ANK2: variants seen among roughly 807,000 people sequenced by gnomAD.
ANK2 encodes ankyrin-2.
ANK2 carries 83 observed loss-of-function variants against 360.5 expected under a neutral mutation model. That is an observed-to-expected ratio of 0.23 (90% CI 0.19 to 0.28). ANK2 has a LOEUF of 0.28. Ranked by LOEUF, ANK2 falls within the 10% of genes least tolerant of loss-of-function variation. The probability of loss-of-function intolerance (pLI) is 1.00; values close to 1 mark genes in which losing one functional copy is unlikely to be tolerated. For synonymous variants in ANK2, 1,740 were observed against 1,759.5 expected, an observed-to-expected ratio of 0.99 and a Z score of 0.28; for missense variants, 4,201 against 4,795.7, an observed-to-expected ratio of 0.88 and a Z score of 3.66.
intron 2 of ANK2, among the ~76,000 whole-genome samples, chr4:113,014,604 C>T (rs567739047): frequency 2.6e-5 from 4 of 152,132 alleles, no homozygotes; most frequent in Non-Finnish European, 5.9e-5. Flanking sequence ...TATTCACGGC[C>T]TATGATTTCA....
chr4:113,162,731 GTT>G (rs11348131), intron 1 of ANK2, among the ~76,000 whole-genome samples: 3,916 of 133,064 alleles, frequency 0.029, 141 homozygotes, highest in African/African-American at 0.093. Context: ...GTAGCTAAAG[GTT>G]TTTTTTTTTT....
intron 1 of ANK2, among the ~76,000 whole-genome samples, chr4:113,140,231 A>G (rs1264795866): frequency 6.6e-6 from 1 of 152,190 alleles, no homozygotes; most frequent in Non-Finnish European, 1.5e-5. Context: ...TTGTCCTTGG[A>G]TTCATGTGAC....
At chr4:113,162,999 A>G (rs1280144514) in intron 1 of ANK2, among the ~76,000 whole-genome samples, 1 of 152,118 alleles carries the variant, frequency 6.6e-6, no homozygotes, top group East Asian at 1.9e-4. Context: ...ATTTTTTTCC[A>G]GTAGGTTTAC....
the ANK2 span, among the ~76,000 whole-genome samples, chr4:112,764,194 C>T: frequency 5.9e-5 from 9 of 152,020 alleles, no homozygotes; most frequent in East Asian, 5.8e-4. Context: ...CCGCCTGCAT[C>T]GGCCTCCTAA....
At chr4:112,825,420 A>G (rs1195864844) in intron 1 of ANK2, among the ~76,000 whole-genome samples, 1 of 152,206 alleles carries the variant, frequency 6.6e-6, no homozygotes, top group Non-Finnish European at 1.5e-5. Flanking sequence ...AAGACCCAGT[A>G]TTATCAGATT....
At chr4:113,350,160 G>A (rs1356198684) in intron 36 of ANK2, 68 bp from the exon 37 acceptor site, 1 of 1,437,156 alleles carries the variant, frequency 7.0e-7, no homozygotes, top group East Asian at 2.3e-5. Flanking sequence ...GGAGCTTTTT[G>A]TGCACACCAG....
intron 2 of ANK2, among the ~76,000 whole-genome samples, chr4:113,037,900 A>G (rs908482289): frequency 7.2e-5 from 11 of 152,066 alleles, no homozygotes; most frequent in Admixed American, 5.2e-4. Flanking sequence ...TCTAGACTGC[A>G]GTAGCAGGTT....
intron 2 of ANK2, among the ~76,000 whole-genome samples, chr4:112,989,162 G>T (rs559487261): frequency 6.2e-4 from 95 of 152,196 alleles, no homozygotes; most frequent in African/African-American, 2.2e-3. Context: ...TATTTTAAAC[G>T]AGAAAACTGA....
In ANK2 at chr4:113,367,821, A is replaced by G. The variant is rs748648366; in HGVS notation, c.11288A>G (p.Glu3763Gly). 2 of 1,614,158 alleles carry G rather than the reference A, an allele frequency of 1.2e-6. No individual in the cohort carries two copies. Among genetic ancestry groups the G allele is most frequent in the East Asian group, 2.2e-5 (1 of 44,878 alleles). ...GGGAAAATGCAAGACCTGCCTGAAG[A>G]GTCATCTCTGGAATATCAGCAGGAA... ...FSGKMQDLPEESSLEYQQEYF... is the reference protein window; with the variant it reads ...FSGKMQDLPEGSSLEYQQEYF... Residue 3763 changes from glutamate to glycine, a missense_variant, in exon 42 of 46, where the codon GAG (glutamate) becomes GGG (glycine). Coordinates refer to ENST00000357077, the MANE Select transcript of ANK2 (RefSeq NM_001148.6).
At chr4:112,856,501 G>A (rs1184247419) in intron 1 of ANK2, among the ~76,000 whole-genome samples, 1 of 152,190 alleles carries the variant, frequency 6.6e-6, no homozygotes, top group Non-Finnish European at 1.5e-5. Flanking sequence ...ACTGAGGTGG[G>A]CAGAACACTT....
chr4:113,233,163 C>T (rs1412843952), intron 5 of ANK2, among the ~76,000 whole-genome samples: 1 of 99,104 alleles, frequency 1.0e-5, no homozygotes, highest in African/African-American at 3.9e-5. Context: ...GAGACGGAGT[C>T]TCGCTCTGTC....
At chr4:112,912,546 A>G (rs936463715) in intron 2 of ANK2, among the ~76,000 whole-genome samples, 1 of 151,992 alleles carries the variant, frequency 6.6e-6, no homozygotes, top group Non-Finnish European at 1.5e-5. Context: ...TAAGTGGGGA[A>G]TCCCAAAGTA....
the ANK2 span, among the ~76,000 whole-genome samples, chr4:112,807,538 A>C: frequency 6.6e-6 from 1 of 152,164 alleles, no homozygotes; most frequent in African/African-American, 2.4e-5. Context: ...AAGGGGGTAA[A>C]ATTTGGATTT....
chr4:112,807,916 A>G, the ANK2 span, among the ~76,000 whole-genome samples: 2 of 152,266 alleles, frequency 1.3e-5, no homozygotes, highest in Non-Finnish European at 2.9e-5. Context: ...ATTGGGATTT[A>G]TAATTGGGCT....
At chr4:113,235,953 TG>T (rs2099372508) in intron 5 of ANK2, among the ~76,000 whole-genome samples, 1 of 151,056 alleles carries the variant, frequency 6.6e-6, no homozygotes, top group African/African-American at 2.4e-5. Flanking sequence ...TTAGCCAGGA[TG>T]GTCTTGATCT....
intron 1 of ANK2, among the ~76,000 whole-genome samples, chr4:113,060,024 A>C (rs556884798): frequency 1.8e-4 from 28 of 152,232 alleles, no homozygotes; most frequent in African/African-American, 6.0e-4. Context: ...TACGTTACCA[A>C]AATTAACACA....
At chr4:113,278,422 A>C in intron 16 of ANK2, 38 bp from the exon 17 acceptor site, 1 of 1,589,914 alleles carries the variant, frequency 6.3e-7, no homozygotes, top group South Asian at 1.1e-5. Flanking sequence ...AGCTAACCCT[A>C]ATTTATTAAT....
At chr4:112,954,647 CTT>C (rs2095246670) in intron 2 of ANK2, among the ~76,000 whole-genome samples, 1 of 152,158 alleles carries the variant, frequency 6.6e-6, no homozygotes, top group Admixed American at 6.5e-5. Flanking sequence ...TTAACCAACA[CTT>C]ATTTCTAAAT....
At position 113,355,879 on chromosome 4, in the gene ANK2, C is replaced by G. The variant is rs755966886; in HGVS notation, c.7261C>G (p.Leu2421Val). 1.2e-6 allele frequency: 2 copies of G among 1,614,076 alleles called. No individual in the cohort carries two copies. Among genetic ancestry groups the G allele is most frequent in the Non-Finnish European group, 1.7e-6 (2 of 1,179,956 alleles). Reference protein sequence around the residue: ...LALPSRDSEVLSAVADDSLAV... With the variant: ...LALPSRDSEVVSAVADDSLAV... ...ACTCCCTAGCCGAGATAGCGAAGTC[C>G]TCAGCGCTGTGGCTGATGACTCATT... The change falls in exon 38 of 46, where the codon CTC (leucine) becomes GTC (valine). Residue 2421 changes from leucine (L) to valine (V), a missense_variant. By Grantham distance (32) the Leu-to-Val change is conservative. Around this residue, in one of 4 missense-constraint regions of ANK2, gnomAD observed 2,642 missense variants for 2,714.5 expected, o/e 0.97. Transcript: ENST00000357077.
Sources: allele counts gnomAD v4.1 joint callset (sites outside exome capture counted in the v4.1 genomes callset), GRCh38; gene constraint gnomAD v4.1.1; regional missense constraint gnomAD v4.1.1; transcripts MANE v1.5; gene names NCBI Gene and HGNC (gene_info 2026-07-23, HGNC 2026-07-21).